SERPINB3: variants seen among roughly 807,000 people sequenced by gnomAD.
The protein encoded by SERPINB3 is serpin family B member 3.
A neutral mutation model predicts 33.0 loss-of-function variants in SERPINB3; 33 were observed. The observed-to-expected ratio is 1.00, with a 90% CI of 0.76 to 1.34. The LOEUF (loss-of-function observed/expected upper bound fraction) is 1.34. Among genes scored for constraint, SERPINB3 ranks in the 40% most tolerant of loss-of-function variants. The pLI, the probability that SERPINB3 is intolerant of heterozygous loss-of-function variation, is 0.00. For synonymous variants in SERPINB3, 200 were observed against 170.9 expected (o/e 1.17, Z -1.33); for missense variants, 518 against 461.5 (o/e 1.12, Z -1.12).
Position 63,659,527 on chromosome 18 carries a change from C to A in SERPINB3, c.223G>T (p.Val75Phe), listed in dbSNP as rs973639849. ...TGATGAACATTTCCTGACCTATCAA[C>A]CTTCAAACATCAAAAAAGGAGATCA... is the stretch of plus-strand genomic sequence containing the variant. ...NTTGKAATYHVDRSGNVHHQF... is the reference protein window; with the variant it reads ...NTTGKAATYHFDRSGNVHHQF... The change falls in exon 4 of 8, where the codon GTT becomes TTT. Residue 75 changes from valine (V) to phenylalanine (F), a missense_variant and splice_region_variant. Val to Phe is a conservative substitution (Grantham distance 50). Coordinates refer to ENST00000283752, the MANE Select transcript of SERPINB3 (RefSeq NM_006919.3). The A allele has an allele frequency of 1.2e-6, 2 of 1,613,338 alleles. No homozygotes were observed. Among genetic ancestry groups the A allele is most frequent in the Non-Finnish European group, 1.7e-6 (2 of 1,179,602 alleles).
At position 63,659,240 on chromosome 18, in the gene SERPINB3, C is replaced by A. The variant is rs147069489; in HGVS notation, c.351+159G>T. The A allele has an allele frequency of 8.5e-3, 6,419 of 752,738 alleles. 41 individuals carry two copies. The highest frequency in any genetic ancestry group is 0.012 in the Middle Eastern group (51 of 4,238). 46.6% of individuals were successfully genotyped at this position (752,738 alleles called of 1,614,324 possible). ...ATGTATTGTTAGGGTCTGGGACACT[C>A]CAGTGGGGGAGAGTTGTGGAAACGG... On this transcript the variant is annotated intron_variant, in intron 4 of 7. Transcript: ENST00000283752.
rs868858544 is a variant in SERPINB3, at chr18:63,657,466, G to C, written c.470-54C>G. 44 of 1,434,444 alleles carry C rather than the reference G, an allele frequency of 3.1e-5. No homozygotes were observed. In the Middle Eastern group the frequency reaches 3.3e-3, roughly 109 times the overall value. The allele number at this position is 1,434,444 out of a possible 1,614,324, so 88.9% of individuals were successfully genotyped here. A position where few individuals can be genotyped will look rare whatever the true frequency, so the allele number is the denominator to read the frequency against. The stretch of plus-strand genomic sequence containing the variant: ...TACACAAGCTACAAATGGCTTGTCT[G>C]GAAGATGCTTTGCAAATGTTCGTGA... On this transcript the variant is annotated intron_variant, in intron 5 of 7. Coordinates refer to ENST00000283752, the MANE Select transcript of SERPINB3 (RefSeq NM_006919.3).
intron 4 of SERPINB3, 128 bp downstream of exon 4, chr18:63,659,271 T>A (rs8089032): frequency 0.99 from 984,571 of 994,586 alleles, 487,567 homozygotes; most frequent in Non-Finnish European, 1. Context: ...AACGGAGCTA[T>A]TGCACTCTGA....
chr18:63,661,647 A>G (rs1304927517), intron 1 of SERPINB3, among the ~76,000 whole-genome samples, 199 bp downstream of exon 1: 1 of 151,754 alleles, frequency 6.6e-6, no homozygotes, highest in Non-Finnish European at 1.5e-5. Flanking sequence ...TGTGTTCCTA[A>G]AAGTGCCTTG....
chr18:63,658,985 C>T (rs969438594), intron 4 of SERPINB3, among the ~76,000 whole-genome samples: 40 of 152,162 alleles, frequency 2.6e-4, no homozygotes, highest in Non-Finnish European at 7.4e-5. Flanking sequence ...TATCTTTCAT[C>T]CTGTGCATTC....
At chr18:63,658,670 T>C (rs754941028) in intron 4 of SERPINB3, 40 bp from the exon 5 acceptor site, 14 of 1,485,866 alleles carry the variant, frequency 9.4e-6, no homozygotes, top group African/African-American at 2.8e-5. Context: ...GTAAGAGTAA[T>C]TTATGTAACT....
Position 63,661,102 on chromosome 18 carries a change from CT to C in SERPINB3, c.114del (p.Met40TrpfsTer4), listed in dbSNP as rs1306719041. On this transcript the variant is annotated frameshift_variant, in exon 2 of 8. Coordinates refer to ENST00000283752, the MANE Select transcript of SERPINB3 (RefSeq NM_006919.3). LOFTEE classifies it high-confidence loss of function. ...FYSPISITSALGMVLLGAKDN... is the reference protein window; with the variant it reads ...FYSPISITSAXGMVLLGAKDN... Reference sequence around the variant, plus strand: ...TCTTTGGCTCCTAAGAGGACCATCCCTAATGCTGATGTGATGCTGATAGGGG... The same window carrying C: ...TCTTTGGCTCCTAAGAGGACCATCCCAATGCTGATGTGATGCTGATAGGGG... The C allele has an allele frequency of 6.2e-7, 1 of 1,613,490 alleles. No individual in the cohort carries two copies. Among genetic ancestry groups the C allele is most frequent in the Non-Finnish European group, 8.5e-7 (1 of 1,179,688 alleles).
intron 4 of SERPINB3, 65 bp from the exon 5 acceptor site, chr18:63,658,695 T>G: frequency 8.0e-7 from 1 of 1,250,044 alleles, no homozygotes; most frequent in Non-Finnish European, 1.1e-6. Context: ...ATTACCAAAT[T>G]TAGTTATTTA....
chr18:63,659,358 T>A (rs1391828308), intron 4 of SERPINB3, 41 bp downstream of exon 4: 15 of 1,597,188 alleles, frequency 9.4e-6, no homozygotes, highest in Admixed American at 1.7e-5. Flanking sequence ...GACACAGACA[T>A]CAGGATGCAA....
chr18:63,655,597 C>T lies in SERPINB3; in HGVS notation c.*60G>A. ...AAGAGAATCTGTTGTTGCCAGCAAT[C>T]AGTTTACCAGAACATCTGCAGGTGA... On this transcript the variant is annotated 3_prime_UTR_variant, in exon 8 of 8. Coordinates refer to ENST00000283752, the MANE Select transcript of SERPINB3 (RefSeq NM_006919.3). 1 of 1,501,984 alleles carries T rather than the reference C, an allele frequency of 6.7e-7. No homozygotes were observed. The highest frequency in any genetic ancestry group is 1.3e-5 in the South Asian group (1 of 74,988). The allele number at this position is 1,501,984 out of a possible 1,614,324, so 93.0% of individuals were successfully genotyped here. A position where few individuals can be genotyped will look rare whatever the true frequency, so the allele number is the denominator to read the frequency against.
rs1341299380 is a variant in SERPINB3, at chr18:63,658,597, T to C, written c.385A>G (p.Thr129Ala). Residue 129 changes from threonine to alanine, a missense_variant, in exon 5 of 8, where the codon ACC (threonine) becomes GCC (alanine). Thr to Ala is a moderately conservative substitution (Grantham distance 58). Coordinates refer to ENST00000283752, the MANE Select transcript of SERPINB3 (RefSeq NM_006919.3). The stretch of plus-strand genomic sequence containing the variant: ...GCAAAATCAACAGATTCCACACTGG[T>C]CTGGTAAAATTTCTTGATGGCATCT... ...YLDAIKKFYQ[T>A]SVESVDFANA... is the part of the protein sequence containing the mutation. 6.2e-7 allele frequency: 1 copy of C among 1,612,924 alleles called. No homozygotes were observed. Among genetic ancestry groups the C allele is most frequent in the East Asian group, 2.2e-5 (1 of 44,832 alleles).
intron 7 of SERPINB3, among the ~76,000 whole-genome samples, 187 bp from the exon 8 acceptor site, chr18:63,656,248 A>G (rs764721720): frequency 2.3e-4 from 35 of 151,544 alleles, no homozygotes; most frequent in Admixed American, 3.9e-4. Flanking sequence ...ACATTGGGTT[A>G]TATGTGTATG....
intron 3 of SERPINB3, among the ~76,000 whole-genome samples, chr18:63,660,038 G>A (rs990227526): frequency 2.0e-5 from 3 of 152,158 alleles, no homozygotes; most frequent in Non-Finnish European, 2.9e-5. Context: ...AGAAGAGTGT[G>A]TGCCAGGTAC....
intron 6 of SERPINB3, 40 bp downstream of exon 6, chr18:63,657,230 A>G: frequency 9.0e-7 from 1 of 1,114,214 alleles, no homozygotes; most frequent in Non-Finnish European, 1.3e-6. Flanking sequence ...GTTTAAATTT[A>G]TTAACATATT....
At chr18:63,657,771 CTTT>C (rs78145953) in intron 5 of SERPINB3, among the ~76,000 whole-genome samples, 28 of 138,958 alleles carry the variant, frequency 2.0e-4, no homozygotes, top group Non-Finnish European at 2.3e-4. Context: ...CCTCTTCCTA[CTTT>C]TTTTTTTTTT....
rs1913482641 is a variant in SERPINB3, at chr18:63,655,900, C to T, written c.930G>A (p.Gly310=). ...RTMGMVDIFN[G]DADLSGMTGS... ...CGGTCATGCCTGAGAGGTCTGCATC[C>T]CCATTGAAGATATCCACCATTCCCA... Residue 310 remains glycine, a synonymous_variant, in exon 8 of 8, where the codon GGG becomes GGA. Transcript: ENST00000283752. 3 of 1,613,844 alleles carry T rather than the reference C, an allele frequency of 1.9e-6. No individual in the cohort carries two copies. Among genetic ancestry groups the T allele is most frequent in the Non-Finnish European group, 1.7e-6 (2 of 1,179,950 alleles).
rs1568171720 is a variant in SERPINB3 at position 63,659,563 on chromosome 18, G to A, written c.223-36C>T. 4 of 1,612,828 alleles carry A rather than the reference G, an allele frequency of 2.5e-6. No individual in the cohort carries two copies. In the East Asian group the frequency reaches 6.7e-5, roughly 27 times the overall value. On this transcript the variant is annotated intron_variant, in intron 3 of 7. Transcript: ENST00000283752. ...CAAAAAAGGAGATCATTCAATTGCT[G>A]TATCAATGTAAATACTAAACCCATG... is the stretch of plus-strand genomic sequence containing the variant.
At position 63,655,804 on chromosome 18, in the gene SERPINB3, TTCTGCTCCCTCC is replaced by T; in HGVS notation, c.1014_1025del (p.Glu339_Glu342del). 2 of 1,613,994 alleles carry T rather than the reference TTCTGCTCCCTCC, an allele frequency of 1.2e-6. No homozygotes were observed. Among genetic ancestry groups the T allele is most frequent in the South Asian group, 2.2e-5 (2 of 91,078 alleles). ...CTACTACAGCGGTGGCAGCTGCAGC[TTCTGCTCCCTCC>T]TCTGTAACCTCCACAAAGGCCTTGT... is the stretch of plus-strand genomic sequence containing the variant. On this transcript the variant is annotated inframe_deletion, in exon 8 of 8. Transcript: ENST00000283752.
Position 63,655,728 on chromosome 18 carries a change from G to T in SERPINB3, c.1102C>A (p.Pro368Thr). 2 of 1,613,924 alleles carry T rather than the reference G, an allele frequency of 1.2e-6. No individual in the cohort carries two copies. The highest frequency in any genetic ancestry group is 1.7e-6 in the Non-Finnish European group (2 of 1,179,910). Residue 368 changes from proline (P) to threonine (T), a missense_variant, in exon 8 of 8, where the codon CCT becomes ACT. By Grantham distance (38) the Pro-to-Thr change is conservative (BLOSUM62 -1). Coordinates refer to ENST00000283752, the MANE Select transcript of SERPINB3 (RefSeq NM_006919.3). ...STNEEFHCNH[P>T]FLFFIRQNKT... Reference sequence around the variant, plus strand: ...TTTTGCCTTATGAAGAATAGGAAAGGGTGATTACAATGGAACTCTTCATTA... The same window carrying T: ...TTTTGCCTTATGAAGAATAGGAAAGTGTGATTACAATGGAACTCTTCATTA...
Sources: gnomAD v4.1 joint callset for allele counts (sites outside exome capture counted in the v4.1 genomes callset) on GRCh38, gnomAD v4.1.1 for gene constraint, MANE v1.5 for transcripts, NCBI Gene and HGNC (gene_info 2026-07-23, HGNC 2026-07-21) for gene names.